The following LRRFIP1 variants were observed in gnomAD, a reference collection of about 807,000 sequenced individuals.
LRRFIP1 encodes the protein LRR binding FLII interacting protein 1.
LRRFIP1 carries 62 observed loss-of-function variants against 104.4 expected under a neutral mutation model. The observed-to-expected ratio is 0.59, with a 90% CI of 0.48 to 0.73. LRRFIP1 has a LOEUF of 0.73. Among genes scored for constraint, LRRFIP1 ranks in the 30% least tolerant of loss-of-function variants. The probability of loss-of-function intolerance (pLI) is 0.00; values close to 1 mark genes in which losing one functional copy is unlikely to be tolerated. For synonymous variants in LRRFIP1, 300 were observed against 299.0 expected, an observed-to-expected ratio of 1.00 and a Z score of -0.03; for missense variants, 796 against 824.5, an observed-to-expected ratio of 0.97 and a Z score of 0.42.
At chr2:237,740,181 G>A (rs2095371573) in intron 11 of LRRFIP1, among the ~76,000 whole-genome samples, 1 of 151,780 alleles carries the variant, frequency 6.6e-6, no homozygotes, top group African/African-American at 2.4e-5. Flanking sequence ...TGAGGCAAGA[G>A]GATTTCTTGA....
intron 1 of LRRFIP1, among the ~76,000 whole-genome samples, chr2:237,639,892 C>T (rs192171309): frequency 1.3e-3 from 197 of 152,322 alleles, no homozygotes; most frequent in Admixed American, 2.4e-3. Flanking sequence ...AGGAGCTCCT[C>T]GCTATTCCCA....
intron 19 of LRRFIP1, chr2:237,765,802 A>C (rs940605805): frequency 4.1e-6 from 4 of 964,516 alleles, no homozygotes; most frequent in Non-Finnish European, 4.9e-6. Flanking sequence ...AATTATGTGG[A>C]TTCATATTAC....
intron 1 of LRRFIP1, among the ~76,000 whole-genome samples, chr2:237,654,627 T>A (rs2086491722): frequency 1.3e-5 from 2 of 152,050 alleles, no homozygotes; most frequent in Admixed American, 1.3e-4. Flanking sequence ...CTCTGCTCAC[T>A]GCAACCTCCG....
chr2:237,633,803 C>A (rs2082724280), intron 1 of LRRFIP1, among the ~76,000 whole-genome samples: 1 of 152,168 alleles, frequency 6.6e-6, no homozygotes, highest in Non-Finnish European at 1.5e-5. Context: ...GCCCAGGCTG[C>A]TTCCTGGATC....
At chr2:237,685,684 C>T (rs1018208684) in intron 1 of LRRFIP1, among the ~76,000 whole-genome samples, 2 of 152,198 alleles carry the variant, frequency 1.3e-5, no homozygotes, top group African/African-American at 4.8e-5. Flanking sequence ...CTCCCCACAC[C>T]CAGCCTTTGG....
intron 16 of LRRFIP1, among the ~76,000 whole-genome samples, chr2:237,756,808 G>C (rs976502301): frequency 6.6e-6 from 1 of 152,180 alleles, no homozygotes; most frequent in Non-Finnish European, 1.5e-5. Flanking sequence ...CTGTAAATAT[G>C]ATGCCTTACA....
Position 237,664,308 on chromosome 2 carries a change from A to G in LRRFIP1, c.96+36568A>G, listed in dbSNP as rs190733986. 2.6e-5 allele frequency among the ~76,000 whole-genome samples: 4 copies of G among 152,354 alleles called. No individual in the cohort carries two copies. The East Asian group carries it at 7.7e-4, about 29-fold the overall frequency. The stretch of plus-strand genomic sequence containing the variant: ...CGGCGGCGTTCTCCACTGCGTTTCC[A>G]TCCGCAGGTGCGCCTGCCGCCTGGC... On this transcript the variant is annotated intron_variant, in intron 1 of 23. Transcript: ENST00000308482.
chr2:237,717,828 T>C lies in LRRFIP1; in HGVS notation c.249+19T>C, dbSNP rs376064552. Reference sequence around the variant, plus strand: ...GTGGATGGTAGGCCTTGAATATAATTTTGTTTTTACTCTTCCCTCCCCACT... The same window carrying C: ...GTGGATGGTAGGCCTTGAATATAATCTTGTTTTTACTCTTCCCTCCCCACT... On this transcript the variant is annotated intron_variant, in intron 4 of 23. Transcript: ENST00000308482. The surrounding 1 kb of genome is among the most constrained non-coding windows in gnomAD (Gnocchi z 4.2). 2.5e-6 allele frequency: 4 copies of C among 1,604,188 alleles called. No individual in the cohort carries two copies. The highest frequency in any genetic ancestry group is 2.7e-5 in the African/African-American group (2 of 74,730).
chr2:237,722,931 T>C (rs571507520), intron 6 of LRRFIP1, among the ~76,000 whole-genome samples: 8 of 152,332 alleles, frequency 5.3e-5, no homozygotes, highest in African/African-American at 1.9e-4. Flanking sequence ...TCTCGCTCTA[T>C]TTCTATGCGG....
In LRRFIP1 at chr2:237,711,688, G is replaced by A. The variant is rs2094099035; in HGVS notation, c.184-2571G>A. 6.6e-6 allele frequency among the ~76,000 whole-genome samples: 1 copy of A among 152,228 alleles called. No homozygotes were observed. The highest frequency in any genetic ancestry group is 2.1e-4 in the South Asian group (1 of 4,832). The stretch of plus-strand genomic sequence containing the variant: ...CAGAGCCACCCAAATTTACCAGGTT[G>A]TGGAATGAGAGCCTGGGAAGGTGGG... On this transcript the variant is annotated intron_variant, in intron 2 of 23. Coordinates refer to ENST00000308482, the MANE Select transcript of LRRFIP1 (RefSeq NM_001137550.2). This position sits in a 1 kb window ranked among gnomAD's most constrained non-coding sequence, Gnocchi z 4.4.
In LRRFIP1 at chr2:237,749,247, G is replaced by C; in HGVS notation, c.718G>C (p.Gly240Arg). 1 of 1,613,902 alleles carries C rather than the reference G, an allele frequency of 6.2e-7. No individual in the cohort carries two copies. Among genetic ancestry groups the C allele is most frequent in the Non-Finnish European group, 8.5e-7 (1 of 1,180,018 alleles). ...GLSAATLASL[G>R]GTSSRRGSGD... ...GTCTGCAGCCACGCTGGCCTCTCTG[G>C]GTGGGACTTCCTCTCGGAGAGGCAG... Residue 240 changes from glycine to arginine, a missense_variant, in exon 13 of 24, where the codon GGT becomes CGT. By Grantham distance (125) the Gly-to-Arg change is moderately radical (BLOSUM62 -2). Transcript: ENST00000308482.
At position 237,735,229 on chromosome 2, in the gene LRRFIP1, A is replaced by G. The variant is rs200659402; in HGVS notation, c.490-39A>G. The G allele has an allele frequency of 3.8e-4, 601 of 1,572,138 alleles. 3 individuals are homozygous for G. In the African/African-American group the frequency reaches 7.4e-3, roughly 19 times the overall value. ...GCACTTTCTGGGCACTCTTGGAGAA[A>G]GGAAGAGCGCCCATCCTGACAGTCT... On this transcript the variant is annotated intron_variant, in intron 9 of 23. Coordinates refer to ENST00000308482, the MANE Select transcript of LRRFIP1 (RefSeq NM_001137550.2). The surrounding 1 kb of genome is among the most constrained non-coding windows in gnomAD (Gnocchi z 4.6).
intron 1 of LRRFIP1, among the ~76,000 whole-genome samples, chr2:237,694,798 A>C (rs2093054476): frequency 6.6e-6 from 1 of 152,210 alleles, no homozygotes; most frequent in South Asian, 2.1e-4. Flanking sequence ...CGGACAGTGG[A>C]GACACTGTGC....
chr2:237,714,256 T>C lies in LRRFIP1; in HGVS notation c.184-3T>C, dbSNP rs747145449. 4.4e-6 allele frequency: 7 copies of C among 1,594,666 alleles called. No homozygotes were observed. The African/African-American group carries it at 9.5e-5, about 22-fold the overall frequency. Reference sequence around the variant, plus strand: ...TTCTTTTTTCTTCTGTCCTTCTCTATAGATCTATCAGGTCCAAAAGGTAGG... The same window carrying C: ...TTCTTTTTTCTTCTGTCCTTCTCTACAGATCTATCAGGTCCAAAAGGTAGG... On this transcript the variant is annotated splice_region_variant and splice_polypyrimidine_tract_variant and intron_variant, in intron 2 of 23. Transcript: ENST00000308482.
At chr2:237,721,049 T>A in intron 6 of LRRFIP1, 1 of 498,772 alleles carries the variant, frequency 2.0e-6, no homozygotes, top group African/African-American at 1.9e-5. Flanking sequence ...TCTCCCGAGA[T>A]GAAGTCATCT....
At position 237,630,937 on chromosome 2, in the gene LRRFIP1, T is replaced by C. The variant is rs567767033; in HGVS notation, c.96+3197T>C. ...GGCTCTCTCCAGAGAGCTAGCAGTATCTCCCTGGTAAACTTTCATGAGTCT... is the reference window on the plus strand; with the variant it reads ...GGCTCTCTCCAGAGAGCTAGCAGTACCTCCCTGGTAAACTTTCATGAGTCT... On this transcript the variant is annotated intron_variant, in intron 1 of 23. Transcript: ENST00000308482. 3.8e-4 allele frequency among the ~76,000 whole-genome samples: 58 copies of C among 152,330 alleles called. 1 individual carries two copies. Among genetic ancestry groups the C allele is most frequent in the African/African-American group, 1.3e-3 (54 of 41,580 alleles).
At position 237,649,460 on chromosome 2, in the gene LRRFIP1, C is replaced by T. The variant is rs893193808; in HGVS notation, c.96+21720C>T. ...GCGGGAGAATTGCTTGAGCCCAGGA[C>T]GTGGAGGCTGCAGTGAGCCAAGATT... On this transcript the variant is annotated intron_variant, in intron 1 of 23. Coordinates refer to ENST00000308482, the MANE Select transcript of LRRFIP1 (RefSeq NM_001137550.2). This position sits in a 1 kb window ranked among gnomAD's most constrained non-coding sequence, Gnocchi z 4.1. Among the ~76,000 whole-genome samples the T allele has an allele frequency of 1.3e-5, 2 of 151,806 alleles. No individual in the cohort carries two copies. The highest frequency in any genetic ancestry group is 2.4e-5 in the African/African-American group (1 of 41,394).
chr2:237,640,151 C>T (rs548606734), intron 1 of LRRFIP1, among the ~76,000 whole-genome samples: 7 of 152,226 alleles, frequency 4.6e-5, no homozygotes, highest in Non-Finnish European at 1.0e-4. Flanking sequence ...ATTTAAACCT[C>T]CTGGAAATTA....
At chr2:237,692,269 C>G (rs1026110579) in intron 1 of LRRFIP1, 179 of 1,163,310 alleles carry the variant, frequency 1.5e-4, no homozygotes, top group Non-Finnish European at 1.7e-4. Flanking sequence ...CGGCCGCGCC[C>G]GAGCCCAGCG....
Sources: allele counts gnomAD v4.1 joint callset (sites outside exome capture counted in the v4.1 genomes callset), GRCh38; gene constraint gnomAD v4.1.1; non-coding constraint Gnocchi (gnomAD v3.1); transcripts MANE v1.5; gene names NCBI Gene and HGNC (gene_info 2026-07-23, HGNC 2026-07-21).